Variants in ADGRL2 observed in about 807,000 individuals in gnomAD.
ADGRL2 encodes adhesion G protein-coupled receptor L2.
A neutral mutation model predicts 157.4 loss-of-function variants in ADGRL2; 44 were observed. The observed-to-expected ratio is 0.28, with a 90% CI of 0.22 to 0.36. The LOEUF is 0.36. Ranked by LOEUF, ADGRL2 falls within the 10% of genes least tolerant of loss-of-function variation. The pLI is 1.00. For synonymous variants in ADGRL2, 585 were observed against 624.7 expected, an observed-to-expected ratio of 0.94 and a Z score of 0.95; for missense variants, 1,510 against 1,768.9, an observed-to-expected ratio of 0.85 and a Z score of 2.63.
intron 3 of ADGRL2, among the ~76,000 whole-genome samples, chr1:81,617,044 A>G (rs2081670691): frequency 6.6e-6 from 1 of 152,180 alleles, no homozygotes; most frequent in African/African-American, 2.4e-5. Flanking sequence ...ATCAGTCTAT[A>G]TGATGATACA....
chr1:81,976,582 T>A (rs1660249525), intron 17 of ADGRL2, among the ~76,000 whole-genome samples: 2 of 152,030 alleles, frequency 1.3e-5, no homozygotes. Context: ...AACATTCCAT[T>A]TTAAGTATGT....
At chr1:81,664,545 A>C (rs2148892638) in intron 3 of ADGRL2, among the ~76,000 whole-genome samples, 2 of 152,274 alleles carry the variant, frequency 1.3e-5, no homozygotes, top group South Asian at 4.1e-4. Context: ...TTGTGAATCA[A>C]ATTCTTTCAG....
chr1:81,655,765 C>A (rs60056118), intron 3 of ADGRL2, among the ~76,000 whole-genome samples: 68 of 152,218 alleles, frequency 4.5e-4, no homozygotes, highest in African/African-American at 1.6e-3. Context: ...TTCCATGAAA[C>A]CATCAGCTGT....
intron 1 of ADGRL2, among the ~76,000 whole-genome samples, chr1:81,377,870 A>C (rs866587404): frequency 6.6e-6 from 1 of 152,224 alleles, no homozygotes; most frequent in South Asian, 2.1e-4. Context: ...AATCATAATA[A>C]TAATGTGCAT....
chr1:81,391,087 T>C (rs1485933204), intron 1 of ADGRL2, among the ~76,000 whole-genome samples: 1 of 152,308 alleles, frequency 6.6e-6, no homozygotes, highest in Non-Finnish European at 1.5e-5. Flanking sequence ...TAGTTTAGCA[T>C]ATGCTGTTTG....
intron 1 of ADGRL2, among the ~76,000 whole-genome samples, chr1:81,752,173 C>T (rs1484865521): frequency 2.0e-5 from 3 of 152,150 alleles, no homozygotes; most frequent in Admixed American, 6.5e-5. Context: ...CACGCCCCTT[C>T]CACCATGTGG....
chr1:81,483,182 A>G (rs1344588480), intron 2 of ADGRL2, among the ~76,000 whole-genome samples: 1 of 152,156 alleles, frequency 6.6e-6, no homozygotes, highest in East Asian at 1.9e-4. Flanking sequence ...TTGTTTCTCA[A>G]ACTGTATCTG....
intron 1 of ADGRL2, among the ~76,000 whole-genome samples, chr1:81,393,932 A>G (rs2076606791): frequency 6.6e-6 from 1 of 151,822 alleles, no homozygotes; most frequent in Admixed American, 6.6e-5. Flanking sequence ...TGATATTTGA[A>G]GGTAACAAGA....
intron 3 of ADGRL2, among the ~76,000 whole-genome samples, chr1:81,639,205 G>A (rs1046661092): frequency 6.6e-6 from 1 of 152,048 alleles, no homozygotes; most frequent in Non-Finnish European, 1.5e-5. Context: ...GAATAGCTGG[G>A]ATTTACAGGC....
chr1:81,419,185 T>C (rs1421052673), intron 1 of ADGRL2, among the ~76,000 whole-genome samples: 2 of 152,108 alleles, frequency 1.3e-5, no homozygotes, highest in Non-Finnish European at 2.9e-5. Flanking sequence ...ATACAGAAAG[T>C]CTTCTTTATC....
At chr1:81,761,000 A>G (rs1286542687) in intron 1 of ADGRL2, among the ~76,000 whole-genome samples, 1 of 151,948 alleles carries the variant, frequency 6.6e-6, no homozygotes, top group African/African-American at 2.4e-5. Context: ...TTTAAGAGAA[A>G]AATTGTCTAA....
intron 2 of ADGRL2, among the ~76,000 whole-genome samples, chr1:81,529,538 C>T (rs893942313): frequency 6.6e-6 from 1 of 152,126 alleles, no homozygotes; most frequent in East Asian, 1.9e-4. Context: ...CCAACTATGC[C>T]AGGAGCTATG....
chr1:81,980,205 G>A (rs1485841513), intron 18 of ADGRL2, among the ~76,000 whole-genome samples: 2 of 151,640 alleles, frequency 1.3e-5, no homozygotes, highest in East Asian at 3.9e-4. Context: ...CCATATCACT[G>A]TAGCAATTTC....
chr1:81,480,137 T>C (rs888350997), intron 2 of ADGRL2, among the ~76,000 whole-genome samples: 1 of 152,134 alleles, frequency 6.6e-6, no homozygotes, highest in African/African-American at 2.4e-5. Flanking sequence ...AACCAGAATC[T>C]TCCTCCTAAG....
At chr1:81,715,417 T>C (rs1333296866) in intron 1 of ADGRL2, among the ~76,000 whole-genome samples, 2 of 152,170 alleles carry the variant, frequency 1.3e-5, no homozygotes, top group East Asian at 1.9e-4. Context: ...CCAGCTCAAA[T>C]AGTATAATTT....
intron 3 of ADGRL2, among the ~76,000 whole-genome samples, chr1:81,647,816 C>T (rs905991252): frequency 6.6e-6 from 1 of 152,194 alleles, no homozygotes; most frequent in South Asian, 2.1e-4. Flanking sequence ...CATGCAGTTT[C>T]CCCAGGCTGG....
At chr1:81,985,376 G>T in intron 21 of ADGRL2, 21 bp downstream of exon 21, 2 of 1,351,464 alleles carry the variant, frequency 1.5e-6, no homozygotes, top group African/African-American at 1.4e-5. Flanking sequence ...AGGAAAATTT[G>T]AGTTACTACC....
At chr1:81,365,705 C>G (rs2076053162) in intron 1 of ADGRL2, among the ~76,000 whole-genome samples, 1 of 152,162 alleles carries the variant, frequency 6.6e-6, no homozygotes, top group African/African-American at 2.4e-5. Flanking sequence ...GGGATGGAAA[C>G]TATATTTTAC....
intron 3 of ADGRL2, among the ~76,000 whole-genome samples, chr1:81,917,660 T>G (rs2094888046): frequency 6.6e-6 from 1 of 152,200 alleles, no homozygotes; most frequent in Non-Finnish European, 1.5e-5. Flanking sequence ...AGACATAGTT[T>G]TAGAACTCAC....
Sources: gnomAD v4.1 joint callset for allele counts (sites outside exome capture counted in the v4.1 genomes callset) on GRCh38, gnomAD v4.1.1 for gene constraint, MANE v1.5 for transcripts, NCBI Gene and HGNC (gene_info 2026-07-23, HGNC 2026-07-21) for gene names.